GPHN: variants seen among roughly 807,000 people sequenced by gnomAD.
The protein encoded by GPHN is gephyrin.
In GPHN, 17 loss-of-function variants were observed where a neutral mutation model predicts 95.5. That is an observed-to-expected ratio of 0.18 (90% CI 0.12 to 0.27). The LOEUF is 0.27. Ranked by LOEUF, GPHN falls within the 10% of genes least tolerant of loss-of-function variation. GPHN has a pLI of 1.00. For synonymous variants in GPHN, 320 were observed against 322.5 expected (o/e 0.99, Z 0.08); for missense variants, 660 against 978.1 (o/e 0.67, Z 4.34).
the GPHN span, among the ~76,000 whole-genome samples, chr14:67,410,150 C>A: frequency 1.3e-5 from 2 of 152,252 alleles, no homozygotes; most frequent in Middle Eastern, 6.8e-3. Context: ...GAAGTCCCAT[C>A]CTCCTGGTGA....
chr14:66,548,892 A>G (rs2059709214), intron 1 of GPHN, among the ~76,000 whole-genome samples: 1 of 152,200 alleles, frequency 6.6e-6, no homozygotes, highest in Non-Finnish European at 1.5e-5. Context: ...AGATTTGTAT[A>G]TTATACTTCT....
At chr14:67,480,323 C>T in the GPHN span, among the ~76,000 whole-genome samples, 3 of 152,084 alleles carry the variant, frequency 2.0e-5, no homozygotes, top group Non-Finnish European at 4.4e-5. Flanking sequence ...AATCGGGTGG[C>T]AATAATAACC....
chr14:67,040,951 T>C (rs528664241), intron 10 of GPHN, among the ~76,000 whole-genome samples: 3 of 152,276 alleles, frequency 2.0e-5, no homozygotes, highest in African/African-American at 7.2e-5. Flanking sequence ...GGGATATACT[T>C]TGAGACCAGA....
the GPHN span, among the ~76,000 whole-genome samples, chr14:67,406,794 G>C: frequency 6.6e-6 from 1 of 152,176 alleles, no homozygotes; most frequent in Non-Finnish European, 1.5e-5. Flanking sequence ...ACCATGCACA[G>C]AGGGCATAGT....
chr14:67,058,581 A>G (rs1407898537), intron 10 of GPHN, 68 bp from the exon 11 acceptor site: 2 of 1,358,096 alleles, frequency 1.5e-6, no homozygotes, highest in Non-Finnish European at 1.1e-6. Flanking sequence ...TTGTGATATT[A>G]TAAGTCATTG....
At chr14:66,874,486 A>G (rs750595055) in intron 4 of GPHN, among the ~76,000 whole-genome samples, 56 of 152,296 alleles carry the variant, frequency 3.7e-4, no homozygotes, top group Admixed American at 2.0e-3. Context: ...TTCTAACCCA[A>G]TGAAAGGAAG....
At chr14:67,002,287 T>C (rs1026830008) in intron 9 of GPHN, among the ~76,000 whole-genome samples, 1 of 150,298 alleles carries the variant, frequency 6.7e-6, no homozygotes, top group African/African-American at 2.4e-5. Context: ...TGAAATTTCA[T>C]GTTTGGAAAT....
chr14:66,869,431 C>T (rs956983545), intron 4 of GPHN, among the ~76,000 whole-genome samples: 1 of 152,172 alleles, frequency 6.6e-6, no homozygotes, highest in Non-Finnish European at 1.5e-5. Flanking sequence ...TGCATCTCCC[C>T]ATTTATAGTT....
chr14:67,207,727 GA>G, the GPHN span, among the ~76,000 whole-genome samples: 1 of 152,116 alleles, frequency 6.6e-6, no homozygotes, highest in Non-Finnish European at 1.5e-5. Flanking sequence ...AAATTAGGAG[GA>G]GGGGGGGATT....
intron 8 of GPHN, among the ~76,000 whole-genome samples, chr14:66,944,450 A>C (rs915598033): frequency 1.3e-5 from 2 of 152,244 alleles, no homozygotes; most frequent in African/African-American, 4.8e-5. Flanking sequence ...TACTGACCAT[A>C]TGGAAAGTCA....
chr14:66,655,014 A>C (rs1015727935), intron 1 of GPHN, among the ~76,000 whole-genome samples: 6 of 152,104 alleles, frequency 3.9e-5, no homozygotes, highest in Admixed American at 1.3e-4. Context: ...CACAGTCTTT[A>C]TTATTATATC....
intron 4 of GPHN, among the ~76,000 whole-genome samples, chr14:66,830,892 T>A (rs2061555581): frequency 6.6e-6 from 1 of 152,134 alleles, no homozygotes; most frequent in Non-Finnish European, 1.5e-5. Flanking sequence ...GTTACAAAAA[T>A]TGTTTTATAA....
chr14:67,358,780 T>C, the GPHN span, among the ~76,000 whole-genome samples: 1 of 152,154 alleles, frequency 6.6e-6, no homozygotes, highest in Non-Finnish European at 1.5e-5. Context: ...TGAGAAAACG[T>C]CAAAATTTTC....
At position 66,657,105 on chromosome 14, in the gene GPHN, T is replaced by C. The variant is rs137879729; in HGVS notation, c.65-24002T>C. On this transcript the variant is annotated intron_variant, in intron 1 of 22. Coordinates refer to ENST00000478722, the MANE Select transcript of GPHN (RefSeq NM_020806.5). ...GCTGTTTCAGATAACACATGAATGA[T>C]AAGAAAGTAAAACAGCTTAATTGCT... Among the ~76,000 whole-genome samples the C allele has an allele frequency of 5.4e-3, 828 of 152,272 alleles. 10 individuals carry two copies. Among genetic ancestry groups the C allele is most frequent in the African/African-American group, 0.019 (785 of 41,556 alleles).
the GPHN span, among the ~76,000 whole-genome samples, chr14:67,418,828 C>G: frequency 6.6e-6 from 1 of 152,212 alleles, no homozygotes; most frequent in Non-Finnish European, 1.5e-5. Flanking sequence ...GGTGCCCTCT[C>G]CCTGTCATTA....
chr14:67,165,625 G>A (rs949999960), intron 20 of GPHN, among the ~76,000 whole-genome samples: 1 of 152,150 alleles, frequency 6.6e-6, no homozygotes, highest in Admixed American at 6.5e-5. Flanking sequence ...AGGCCAAAAT[G>A]CCTTGAGTCA....
chr14:67,205,787 G>A, the GPHN span, among the ~76,000 whole-genome samples: 2 of 152,232 alleles, frequency 1.3e-5, no homozygotes, highest in Non-Finnish European at 2.9e-5. Flanking sequence ...CTGTGTAAGG[G>A]AATGAAGGAG....
the GPHN span, chr14:67,569,868 C>A: frequency 2.6e-6 from 3 of 1,167,030 alleles, no homozygotes; most frequent in Non-Finnish European, 3.8e-6. Context: ...TTCCCCCACA[C>A]CCCTTCCTGG....
chr14:67,714,025 A>G, the GPHN span, among the ~76,000 whole-genome samples: 5 of 152,200 alleles, frequency 3.3e-5, no homozygotes, highest in African/African-American at 1.2e-4. Flanking sequence ...TCCCAGCTTG[A>G]ATTTTCCCTT....
Sources: allele counts gnomAD v4.1 joint callset (sites outside exome capture counted in the v4.1 genomes callset), GRCh38; gene constraint gnomAD v4.1.1; transcripts MANE v1.5; gene names NCBI Gene and HGNC (gene_info 2026-07-23, HGNC 2026-07-21).